Variants in BRINP3 observed in about 807,000 individuals in gnomAD.
The protein encoded by BRINP3 is BMP/retinoic acid inducible neural specific 3.
A neutral mutation model predicts 71.0 loss-of-function variants in BRINP3; 19 were observed. The ratio of observed to expected loss-of-function variants is 0.27; its 90% CI spans 0.19 to 0.39. The LOEUF (loss-of-function observed/expected upper bound fraction) is 0.39, where lower values mean the gene tolerates loss of function less well. BRINP3 is among the 10% of genes least tolerant of loss of function. The pLI, the probability that BRINP3 is intolerant of heterozygous loss-of-function variation, is 1.00. For missense variants in BRINP3, 959 were observed against 940.8 expected (o/e 1.02, Z -0.25); for synonymous variants, 380 against 337.7 (o/e 1.13, Z -1.37).
At chr1:190,319,159 C>T (rs555126870) in intron 2 of BRINP3, among the ~76,000 whole-genome samples, 9 of 152,234 alleles carry the variant, frequency 5.9e-5, no homozygotes, top group East Asian at 1.9e-4. Flanking sequence ...ACTCAAATAT[C>T]GCACCTTCAT....
chr1:190,437,106 A>G (rs1023850040), intron 2 of BRINP3, among the ~76,000 whole-genome samples: 15 of 151,642 alleles, frequency 9.9e-5, no homozygotes, highest in Non-Finnish European at 1.9e-4. Flanking sequence ...TTTTTATATT[A>G]CCATGTTTTC....
At chr1:190,099,616 A>G (rs762005610) in intron 7 of BRINP3, among the ~76,000 whole-genome samples, 1 of 152,200 alleles carries the variant, frequency 6.6e-6, no homozygotes, top group Non-Finnish European at 1.5e-5. Context: ...CTAGTGTTGC[A>G]GGAAGGATGA....
intron 7 of BRINP3, among the ~76,000 whole-genome samples, chr1:190,142,611 A>G (rs1571824299): frequency 6.6e-6 from 1 of 152,150 alleles, no homozygotes; most frequent in East Asian, 1.9e-4. Flanking sequence ...ATTTTTTACA[A>G]TTTAATTTTC....
At chr1:190,203,735 G>T (rs1386051167) in intron 6 of BRINP3, among the ~76,000 whole-genome samples, 1 of 101,190 alleles carries the variant, frequency 9.9e-6, no homozygotes, top group Admixed American at 1.3e-4. Flanking sequence ...CAGAAAGCAA[G>T]ATATCACTAA....
intron 2 of BRINP3, among the ~76,000 whole-genome samples, chr1:190,298,450 A>G (rs988228607): frequency 2.0e-5 from 3 of 151,344 alleles, no homozygotes; most frequent in African/African-American, 4.8e-5. Flanking sequence ...TCTTTTCTAC[A>G]TGAAAGTTTT....
chr1:190,295,048 A>C (rs1664147081), intron 2 of BRINP3, among the ~76,000 whole-genome samples: 1 of 152,018 alleles, frequency 6.6e-6, no homozygotes, highest in African/African-American at 2.4e-5. Context: ...TAGCCTCTGC[A>C]GCTTGTAAGG....
At chr1:190,402,185 A>G (rs1401935771) in intron 2 of BRINP3, among the ~76,000 whole-genome samples, 2 of 152,144 alleles carry the variant, frequency 1.3e-5, no homozygotes, top group Non-Finnish European at 2.9e-5. Context: ...GTATAACAAT[A>G]AAGTTTAATT....
chr1:190,266,720 G>C (rs187395577), intron 3 of BRINP3, among the ~76,000 whole-genome samples: 32 of 152,250 alleles, frequency 2.1e-4, no homozygotes, highest in Middle Eastern at 3.4e-3. Flanking sequence ...ACTCATCCAC[G>C]TGATAAGTCG....
intron 6 of BRINP3, among the ~76,000 whole-genome samples, chr1:190,216,567 C>A (rs185209704): frequency 6.6e-6 from 1 of 151,854 alleles, no homozygotes; most frequent in East Asian, 1.9e-4. Context: ...CTTTTATTTG[C>A]AGGCTGTAAC....
chr1:190,350,867 G>A (rs1033086264), intron 2 of BRINP3, among the ~76,000 whole-genome samples: 2 of 150,356 alleles, frequency 1.3e-5, no homozygotes, highest in African/African-American at 4.9e-5. Context: ...TCGTTGCCTA[G>A]GCTAGAATGC....
chr1:190,137,380 C>T (rs1655062657), intron 7 of BRINP3, among the ~76,000 whole-genome samples: 1 of 151,014 alleles, frequency 6.6e-6, no homozygotes, highest in Non-Finnish European at 1.5e-5. Context: ...GGAGCTATAT[C>T]CCAACTAGAT....
intron 2 of BRINP3, among the ~76,000 whole-genome samples, chr1:190,395,828 TTAAG>T (rs1196977703): frequency 6.6e-6 from 1 of 151,844 alleles, no homozygotes; most frequent in Non-Finnish European, 1.5e-5. Context: ...TCGATGCTCT[TTAAG>T]TTTTTGGTAA....
chr1:190,204,930 T>C (rs1253712847), intron 6 of BRINP3, among the ~76,000 whole-genome samples: 3 of 150,730 alleles, frequency 2.0e-5, no homozygotes, highest in South Asian at 2.1e-4. Context: ...TGCTTCCAAA[T>C]AGAAGAAGAA....
intron 7 of BRINP3, among the ~76,000 whole-genome samples, chr1:190,104,377 T>C (rs1651961345): frequency 6.6e-6 from 1 of 152,104 alleles, no homozygotes; most frequent in East Asian, 1.9e-4. Flanking sequence ...AGGTAAAGCA[T>C]TTAAAAGAAT....
chr1:190,200,124 C>A (rs986853762), intron 6 of BRINP3, among the ~76,000 whole-genome samples: 6 of 152,060 alleles, frequency 3.9e-5, no homozygotes, highest in Non-Finnish European at 8.8e-5. Context: ...TGTAACAGTA[C>A]CACTCAGAGT....
chr1:190,114,559 TG>T, intron 7 of BRINP3, among the ~76,000 whole-genome samples: 1 of 151,430 alleles, frequency 6.6e-6, no homozygotes, highest in East Asian at 1.9e-4. Context: ...TGTGTGTGTG[TG>T]TGCATGTGTG....
Position 190,098,192 on chromosome 1 carries a change from A to C in BRINP3, c.2127T>G (p.Arg709=). Residue 709 remains arginine (R), a synonymous_variant, in exon 8 of 8, where the codon CGT becomes CGG. Coordinates refer to ENST00000367462, the MANE Select transcript of BRINP3 (RefSeq NM_199051.3). ...GACCAGGTGGGGAGAGTTTATTTAC[A>C]CGGTCTCTGATCTCTAGTAGTTGCA... ...ALLQLLEIRD[R]VNKLSPPGQR... The C allele has an allele frequency of 6.2e-7, 1 of 1,614,104 alleles. No individual in the cohort carries two copies. Among genetic ancestry groups the C allele is most frequent in the Non-Finnish European group, 8.5e-7 (1 of 1,180,014 alleles).
At chr1:190,369,414 T>G (rs1479497457) in intron 2 of BRINP3, among the ~76,000 whole-genome samples, 1 of 151,950 alleles carries the variant, frequency 6.6e-6, no homozygotes, top group Non-Finnish European at 1.5e-5. Flanking sequence ...AAGCTTTAAA[T>G]TAAAGGAGGT....
intron 4 of BRINP3, among the ~76,000 whole-genome samples, chr1:190,257,073 G>C (rs1019765554): frequency 6.6e-6 from 1 of 152,192 alleles, no homozygotes; most frequent in Non-Finnish European, 1.5e-5. Flanking sequence ...ATGATATCCT[G>C]AAGAGTGTTT....
Sources: gnomAD v4.1 joint callset for allele counts (sites outside exome capture counted in the v4.1 genomes callset) on GRCh38, gnomAD v4.1.1 for gene constraint, MANE v1.5 for transcripts, NCBI Gene and HGNC (gene_info 2026-07-23, HGNC 2026-07-21) for gene names.